UHRF2: variants seen among roughly 807,000 people sequenced by gnomAD.
UHRF2 encodes ubiquitin like with PHD and ring finger domains 2, also known as E3 ubiquitin-protein ligase UHRF2.
UHRF2 carries 23 observed loss-of-function variants against 96.8 expected under a neutral mutation model. The ratio of observed to expected loss-of-function variants is 0.24; its 90% confidence interval spans 0.17 to 0.34. The LOEUF (loss-of-function observed/expected upper bound fraction) is 0.34. Ranked by LOEUF, UHRF2 falls within the 10% of genes least tolerant of loss-of-function variation. The pLI, the probability that UHRF2 is intolerant of heterozygous loss-of-function variation, is 1.00. For synonymous variants in UHRF2, 385 were observed against 332.6 expected, an observed-to-expected ratio of 1.16 and a Z score of -1.72; for missense variants, 685 against 981.5, an observed-to-expected ratio of 0.70 and a Z score of 4.04.
intron 1 of UHRF2, chr9:6,414,213 C>G (rs71505810): frequency 1.3e-5 from 2 of 152,276 alleles, no homozygotes; most frequent in African/African-American, 4.8e-5. Context: ...TCCAGAACTT[C>G]TGGTCCCTCT....
chr9:6,472,456 T>C (rs1052822558), intron 4 of UHRF2, among the ~76,000 whole-genome samples: 5 of 152,178 alleles, frequency 3.3e-5, no homozygotes, highest in Non-Finnish European at 5.9e-5. Flanking sequence ...AAACTAGCCT[T>C]TAGTATAACA....
At position 6,469,796 on chromosome 9, in the gene UHRF2, G is replaced by GTA. The variant is rs890901274; in HGVS notation, c.864-5585_864-5584dup. 5.4e-5 allele frequency among the ~76,000 whole-genome samples: 8 copies of GTA among 149,522 alleles called. No homozygotes were observed. In the East Asian group the frequency reaches 7.8e-4, roughly 15 times the overall value. ...TGTGTGTATATATATGTATATATGT[G>GTA]TATATATATATTTATATTTGGAATT... On this transcript the variant is annotated intron_variant, in intron 4 of 15. Coordinates refer to ENST00000276893, the MANE Select transcript of UHRF2 (RefSeq NM_152896.3).
chr9:6,475,370 C>G (rs2130891775), intron 4 of UHRF2, 21 bp from the exon 5 acceptor site: 4 of 1,459,002 alleles, frequency 2.7e-6, no homozygotes, highest in East Asian at 4.9e-5. Context: ...AGAAGTTAAC[C>G]TTTCTTCCTT....
intron 11 of UHRF2, among the ~76,000 whole-genome samples, chr9:6,497,798 ACT>A (rs1398489485): frequency 6.6e-6 from 1 of 152,188 alleles, no homozygotes; most frequent in African/African-American, 2.4e-5. Flanking sequence ...TAATCTTGTT[ACT>A]CTATTAAATT....
At chr9:6,471,880 A>G (rs191195034) in intron 4 of UHRF2, among the ~76,000 whole-genome samples, 3 of 152,328 alleles carry the variant, frequency 2.0e-5, no homozygotes, top group Admixed American at 2.0e-4. Flanking sequence ...GGACCAGGAG[A>G]ATAGAGACAA....
At chr9:6,422,729 C>A (rs1415378200) in intron 2 of UHRF2, 6 of 521,192 alleles carry the variant, frequency 1.2e-5, no homozygotes, top group African/African-American at 7.8e-5. Flanking sequence ...CCTGCTCGGC[C>A]TCCCAAAGTG....
In UHRF2 at chr9:6,477,651, G is replaced by T; in HGVS notation, c.1003G>T (p.Gly335Cys). 1 of 1,613,940 alleles carries T rather than the reference G, an allele frequency of 6.2e-7. No individual in the cohort carries two copies. The highest frequency in any genetic ancestry group is 8.5e-7 in the Non-Finnish European group (1 of 1,179,866). ...RRNDPECDLC[G>C]GDPEKKCHSC... ...AAATGACCCTGAATGTGACCTGTGT[G>T]GTGGAGACCCAGAAAAGAAATGTCA... Residue 335 changes from glycine (G) to cysteine (C), a missense_variant, in exon 6 of 16, where the codon GGT becomes TGT. Transcript: ENST00000276893.
intron 1 of UHRF2, among the ~76,000 whole-genome samples, chr9:6,416,970 C>T (rs1333846694): frequency 2.0e-5 from 3 of 152,010 alleles, no homozygotes; most frequent in Non-Finnish European, 4.4e-5. Context: ...GTTGCCTCTC[C>T]CACTTGGTTT....
chr9:6,499,675 G>C, intron 12 of UHRF2, 160 bp from the exon 13 acceptor site: 1 of 462,278 alleles, frequency 2.2e-6, no homozygotes, highest in South Asian at 4.1e-5. Context: ...TCTGTGCTTT[G>C]AATTCTTTTC....
intron 4 of UHRF2, among the ~76,000 whole-genome samples, chr9:6,466,267 G>C (rs552412642): frequency 2.6e-5 from 4 of 152,266 alleles, no homozygotes; most frequent in African/African-American, 9.6e-5. Context: ...GCCAGGTGTG[G>C]TGGCTCACGC....
intron 3 of UHRF2, 121 bp downstream of exon 3, chr9:6,434,294 T>A (rs1431525458): frequency 7.8e-7 from 1 of 1,286,994 alleles, no homozygotes; most frequent in Non-Finnish European, 1.0e-6. Flanking sequence ...TATGTTCATT[T>A]GTTACTTTTT....
At chr9:6,459,611 G>A (rs1329811946) in intron 3 of UHRF2, among the ~76,000 whole-genome samples, 2 of 152,190 alleles carry the variant, frequency 1.3e-5, no homozygotes, top group African/African-American at 4.8e-5. Context: ...GGAAGTGGCA[G>A]TGAGCTGAGA....
chr9:6,467,992 T>C (rs1350755674), intron 4 of UHRF2, among the ~76,000 whole-genome samples: 1 of 152,204 alleles, frequency 6.6e-6, no homozygotes, highest in African/African-American at 2.4e-5. Context: ...ATCACAGTCT[T>C]TTTTTCTTAC....
chr9:6,459,658 G>C (rs1288340667), intron 3 of UHRF2, among the ~76,000 whole-genome samples: 1 of 152,190 alleles, frequency 6.6e-6, no homozygotes, highest in Non-Finnish European at 1.5e-5. Flanking sequence ...GACAGAGTAA[G>C]ACTCCATCTC....
At chr9:6,488,079 A>G (rs1169448274) in intron 9 of UHRF2, among the ~76,000 whole-genome samples, 1 of 150,884 alleles carries the variant, frequency 6.6e-6, no homozygotes, top group Non-Finnish European at 1.5e-5. Context: ...TGTCCCTACC[A>G]AAAAAACAGA....
intron 6 of UHRF2, 130 bp from the exon 7 acceptor site, chr9:6,481,513 A>T: frequency 9.9e-7 from 1 of 1,006,448 alleles, no homozygotes; most frequent in South Asian, 2.4e-5. Context: ...TTTTAATGCC[A>T]GTTAAAGCTC....
rs1819414399 is a variant in UHRF2 at position 6,413,565 on chromosome 9, T to A, written c.75T>A (p.Ile25=). Reference sequence around the variant, plus strand: ...AGGACGTGTCTCGCAAAGCCACGATTGAGGAGCTGCGCGAGCGGGTGTGGG... The same window carrying A: ...AGGACGTGTCTCGCAAAGCCACGATAGAGGAGCTGCGCGAGCGGGTGTGGG... ...TIEDVSRKAT[I]EELRERVWAL... The change falls in exon 1 of 16, where the codon ATT becomes ATA. Residue 25 remains isoleucine (I), a synonymous_variant. Coordinates refer to ENST00000276893, the MANE Select transcript of UHRF2 (RefSeq NM_152896.3). The A allele has an allele frequency of 2.5e-6, 4 of 1,601,950 alleles. No individual in the cohort carries two copies. In the East Asian group the frequency reaches 9.2e-5, roughly 37 times the overall value.
chr9:6,461,733 C>A (rs1244253115), intron 4 of UHRF2, among the ~76,000 whole-genome samples: 1 of 151,958 alleles, frequency 6.6e-6, no homozygotes, highest in African/African-American at 2.4e-5. Context: ...AAGTACTAGG[C>A]GTTATTTGAG....
Position 6,414,823 on chromosome 9 carries a change from T to G in UHRF2, c.153+1180T>G, listed in dbSNP as rs547734610. ...AAGGAGAGAGCTTTTTTTTCCCCTT[T>G]CCTTCTCTCTTTAAAATAATGTTAT... On this transcript the variant is annotated intron_variant, in intron 1 of 15. Transcript: ENST00000276893. Among the ~76,000 whole-genome samples, 4 of 152,340 alleles carry G rather than the reference T, an allele frequency of 2.6e-5. No individual in the cohort carries two copies. The South Asian group carries it at 8.3e-4, about 32-fold the overall frequency.
Sources: allele counts gnomAD v4.1 joint callset (sites outside exome capture counted in the v4.1 genomes callset), GRCh38; gene constraint gnomAD v4.1.1; transcripts MANE v1.5; gene names NCBI Gene and HGNC (gene_info 2026-07-23, HGNC 2026-07-21).